Variants in MCC observed in about 807,000 individuals in gnomAD.
MCC encodes the protein colorectal mutant cancer protein.
A neutral mutation model predicts 116.2 loss-of-function variants in MCC; 90 were observed. That is an observed-to-expected ratio of 0.77 (90% CI 0.65 to 0.92). The LOEUF (loss-of-function observed/expected upper bound fraction) is 0.92. MCC is among the 40% of genes least tolerant of loss of function. The probability of loss-of-function intolerance (pLI) is 0.00; values close to 1 mark genes in which losing one functional copy is unlikely to be tolerated. For synonymous variants in MCC, 578 were observed against 510.5 expected (o/e 1.13, Z -1.78); for missense variants, 1,516 against 1,312.2 (o/e 1.16, Z -2.40).
At chr5:113,043,191 A>G (rs947202569) in intron 17 of MCC, among the ~76,000 whole-genome samples, 2 of 152,252 alleles carry the variant, frequency 1.3e-5, no homozygotes, top group Non-Finnish European at 2.9e-5. Context: ...TTCCTGCTGA[A>G]GTTGGAAACA....
intron 17 of MCC, among the ~76,000 whole-genome samples, chr5:113,036,097 G>A (rs183101410): frequency 1.1e-4 from 14 of 124,746 alleles, no homozygotes; most frequent in African/African-American, 4.3e-4. Context: ...GTGCAGTGGT[G>A]CGATCTTGGG....
chr5:113,071,369 T>C (rs1464911515), intron 11 of MCC, 135 bp from the exon 12 acceptor site: 4 of 887,130 alleles, frequency 4.5e-6, no homozygotes, highest in African/African-American at 1.7e-5. Flanking sequence ...ACACAGTATT[T>C]TGTCAAAGAA....
chr5:113,267,826 G>A (rs965368270), intron 3 of MCC, among the ~76,000 whole-genome samples: 1 of 152,162 alleles, frequency 6.6e-6, no homozygotes, highest in African/African-American at 2.4e-5. Flanking sequence ...CCACGGAATT[G>A]TATACCTTAA....
chr5:113,087,902 T>C (rs529120714), intron 8 of MCC, among the ~76,000 whole-genome samples: 2 of 152,234 alleles, frequency 1.3e-5, no homozygotes, highest in South Asian at 2.1e-4. Context: ...AAGTAAAACA[T>C]GCTCACTGTG....
In MCC at chr5:113,022,434, T is replaced by C. The variant is rs9122; in HGVS notation, c.*4868A>G. ...TTCAAGCAGGTTTTTCTAATTCAAG[T>C]GTATAGCACATATTCAAATAATAGG... On this transcript the variant is annotated 3_prime_UTR_variant, in exon 19 of 19. Coordinates refer to ENST00000408903, the MANE Select transcript of MCC (RefSeq NM_001085377.2). The C allele has an allele frequency of 0.42, 63,512 of 152,592 alleles. 15,534 individuals are homozygous for C. The highest frequency in any genetic ancestry group is 0.63 in the East Asian group (3,254 of 5,182). 9.5% of individuals were successfully genotyped at this position (152,592 alleles called of 1,614,324 possible).
At chr5:113,480,656 A>G (rs1338699916) in intron 1 of MCC, among the ~76,000 whole-genome samples, 1 of 152,238 alleles carries the variant, frequency 6.6e-6, no homozygotes, top group Non-Finnish European at 1.5e-5. Flanking sequence ...AGAAGAAAAT[A>G]CTATAGAAAA....
At chr5:113,073,905 C>T (rs960651071) in intron 11 of MCC, among the ~76,000 whole-genome samples, 5 of 152,208 alleles carry the variant, frequency 3.3e-5, no homozygotes, top group African/African-American at 7.2e-5. Context: ...TGGAGCCCAC[C>T]GCAGTTCAAG....
chr5:113,397,571 A>C (rs919408974), intron 1 of MCC, among the ~76,000 whole-genome samples: 5 of 152,208 alleles, frequency 3.3e-5, no homozygotes, highest in Admixed American at 2.0e-4. Context: ...ATTGAAATAT[A>C]AGCTTTTTCA....
intron 1 of MCC, among the ~76,000 whole-genome samples, chr5:113,404,516 C>T (rs77773055): frequency 0.039 from 5,863 of 152,224 alleles, 384 homozygotes; most frequent in African/African-American, 0.13. Context: ...TCACAGCCTG[C>T]TGCAACATTC....
intron 4 of MCC, among the ~76,000 whole-genome samples, chr5:113,149,328 T>C (rs1759711458): frequency 6.6e-6 from 1 of 152,120 alleles, no homozygotes; most frequent in African/African-American, 2.4e-5. Context: ...TTCCAGTTTT[T>C]TCTATCACTA....
chr5:113,071,099 C>A lies in MCC; in HGVS notation c.1920G>T (p.Gln640His). 1 of 1,574,198 alleles carries A rather than the reference C, an allele frequency of 6.4e-7. No individual in the cohort carries two copies. Among genetic ancestry groups the A allele is most frequent in the Non-Finnish European group, 8.6e-7 (1 of 1,162,862 alleles). Residue 640 changes from glutamine (Q) to histidine (H), a missense_variant, in exon 12 of 19, where the codon CAG (glutamine) becomes CAT (histidine). Physicochemically the swap from Gln to His is conservative, Grantham distance 24. Transcript: ENST00000408903. ...SNATALRLALQYSEQCIEAYE... is the reference protein window; with the variant it reads ...SNATALRLALHYSEQCIEAYE... ...ACATCCCAGTGTGTGCCTACCTGTA[C>A]TGCAAGGCCAGCCTCAGCGCTGTGG...
intron 3 of MCC, among the ~76,000 whole-genome samples, chr5:113,189,045 C>A (rs1487775355): frequency 6.6e-6 from 1 of 152,220 alleles, no homozygotes; most frequent in Admixed American, 6.5e-5. Context: ...GAGACAGCTT[C>A]ACCTTGGAGG....
chr5:113,267,526 A>G (rs573892441), intron 3 of MCC, among the ~76,000 whole-genome samples: 2 of 152,308 alleles, frequency 1.3e-5, no homozygotes, highest in East Asian at 1.9e-4. Context: ...TCAACCTCTG[A>G]GCTTATTCTG....
At chr5:113,108,221 T>C (rs1383583420) in intron 6 of MCC, among the ~76,000 whole-genome samples, 1 of 149,742 alleles carries the variant, frequency 6.7e-6, no homozygotes, top group Admixed American at 6.7e-5. Context: ...GGCGCACACC[T>C]GTAATGGAGG....
intron 3 of MCC, among the ~76,000 whole-genome samples, chr5:113,273,819 GA>G (rs947503916): frequency 5.5e-4 from 82 of 148,310 alleles, no homozygotes; most frequent in African/African-American, 1.7e-3. Context: ...GACGGGATGA[GA>G]AAAAAAAAAC....
chr5:113,404,219 T>C (rs1769768365), intron 1 of MCC, among the ~76,000 whole-genome samples: 1 of 152,166 alleles, frequency 6.6e-6, no homozygotes, highest in African/African-American at 2.4e-5. Context: ...AATTTTGAAG[T>C]CAAGGAAACC....
intron 3 of MCC, chr5:113,295,047 A>T (rs113858051): frequency 0.023 from 15,380 of 675,738 alleles, 169 homozygotes; most frequent in Middle Eastern, 0.024. Context: ...GAGGCCGAGC[A>T]GAGGAGACCG....
At chr5:113,164,148 TAACTGTCCTCTTATCC>T in intron 3 of MCC, among the ~76,000 whole-genome samples, 1 of 152,194 alleles carries the variant, frequency 6.6e-6, no homozygotes, top group East Asian at 1.9e-4. Context: ...GAAAGATCAT[TAACTGTCCTCTTATCC>T]AACAGTCCAG....
chr5:113,104,017 C>A (rs1215007639), intron 7 of MCC, among the ~76,000 whole-genome samples, 175 bp downstream of exon 7: 1 of 151,912 alleles, frequency 6.6e-6, no homozygotes, highest in African/African-American at 2.4e-5. Context: ...AATAAATCAG[C>A]CCAACCAAAA....
Sources: allele counts gnomAD v4.1 joint callset (sites outside exome capture counted in the v4.1 genomes callset), GRCh38; gene constraint gnomAD v4.1.1; transcripts MANE v1.5; gene names NCBI Gene and HGNC (gene_info 2026-07-23, HGNC 2026-07-21).